The following UBE2D2 variants were observed in gnomAD, a reference collection of about 807,000 sequenced individuals.
The protein encoded by UBE2D2 is ubiquitin conjugating enzyme E2 D2.
UBE2D2 carries 2 observed loss-of-function variants against 24.2 expected under a neutral mutation model. The observed-to-expected ratio is 0.08, with a 90% CI of 0.03 to 0.26. The LOEUF (loss-of-function observed/expected upper bound fraction) is 0.26, where lower values mean the gene tolerates loss of function less well. Ranked by LOEUF, UBE2D2 falls within the 10% of genes least tolerant of loss-of-function variation. The probability of loss-of-function intolerance (pLI) is 1.00; values close to 1 mark genes in which losing one functional copy is unlikely to be tolerated. For missense variants in UBE2D2, 44 were observed against 177.6 expected (o/e 0.25, Z 4.28); for synonymous variants, 58 against 56.5 (o/e 1.03, Z -0.12).
chr5:139,561,190 G>A (rs946009626), upstream of UBE2D2: 5 of 152,610 alleles, frequency 3.3e-5, no homozygotes, highest in East Asian at 1.9e-4. Context: ...CGCCCTCCGG[G>A]GCCGTGGCGG....
At chr5:139,573,406 A>C (rs577715730) in intron 1 of UBE2D2, among the ~76,000 whole-genome samples, 1 of 152,108 alleles carries the variant, frequency 6.6e-6, no homozygotes, top group African/African-American at 2.4e-5. Flanking sequence ...AATAAAAGTC[A>C]TCCTCATCAG....
intron 2 of UBE2D2, among the ~76,000 whole-genome samples, chr5:139,604,101 A>C (rs939011633): frequency 1.1e-4 from 17 of 152,032 alleles, no homozygotes; most frequent in Non-Finnish European, 2.2e-4. Flanking sequence ...TGCAAGTCAT[A>C]TATCTCATAA....
At chr5:139,543,560 A>T (rs1372968715) in intron 1 of UBE2D2, among the ~76,000 whole-genome samples, 1 of 152,168 alleles carries the variant, frequency 6.6e-6, no homozygotes, top group South Asian at 2.1e-4. Flanking sequence ...CGGCGACGAC[A>T]CGGGGGACCG....
Position 139,619,414 on chromosome 5 carries a change from A to G in UBE2D2, c.305-3954A>G, listed in dbSNP as rs575921281. ...CTGTCTCAAAAAAAAAAAAAAAGTAATACTGATGAAGAATATATATAGGTA... is the reference window on the plus strand; with the variant it reads ...CTGTCTCAAAAAAAAAAAAAAAGTAGTACTGATGAAGAATATATATAGGTA... On this transcript the variant is annotated intron_variant, in intron 5 of 6. Coordinates refer to ENST00000398733, the MANE Select transcript of UBE2D2 (RefSeq NM_003339.3). Among the ~76,000 whole-genome samples, 3 of 151,998 alleles carry G rather than the reference A, an allele frequency of 2.0e-5. No individual in the cohort carries two copies. In the East Asian group the frequency reaches 5.8e-4, roughly 29 times the overall value.
At chr5:139,598,922 T>C (rs1754013274) in intron 1 of UBE2D2, among the ~76,000 whole-genome samples, 1 of 87,236 alleles carries the variant, frequency 1.1e-5, no homozygotes, top group African/African-American at 5.8e-5. Context: ...TATATTCCTT[T>C]TTTTTTTTTT....
chr5:139,559,566 C>A (rs1314454255), upstream of UBE2D2, among the ~76,000 whole-genome samples: 2 of 152,132 alleles, frequency 1.3e-5, no homozygotes, highest in African/African-American at 2.4e-5. Context: ...CCACTGGATA[C>A]AATTTTCTCT....
intron 2 of UBE2D2, among the ~76,000 whole-genome samples, chr5:139,613,869 T>C (rs1754371578): frequency 6.6e-6 from 1 of 152,112 alleles, no homozygotes; most frequent in African/African-American, 2.4e-5. Flanking sequence ...GTTTGAGACC[T>C]GGCCAAACGT....
chr5:139,623,259 A>G (rs980813101), intron 5 of UBE2D2, 109 bp from the exon 6 acceptor site: 2 of 549,140 alleles, frequency 3.6e-6, no homozygotes, highest in African/African-American at 1.9e-5. Context: ...CAAAGCTGCT[A>G]GGCATTACAG....
intron 1 of UBE2D2, among the ~76,000 whole-genome samples, chr5:139,544,931 C>T (rs1007017339): frequency 6.6e-6 from 1 of 152,008 alleles, no homozygotes; most frequent in African/African-American, 2.4e-5. Flanking sequence ...TGTGCATCAC[C>T]ACGCCCGGCT....
intron 5 of UBE2D2, among the ~76,000 whole-genome samples, chr5:139,617,760 TGTATTCCTC>T (rs1754445716): frequency 6.6e-6 from 1 of 152,142 alleles, no homozygotes; most frequent in Non-Finnish European, 1.5e-5. Flanking sequence ...CATTGGCCCC[TGTATTCCTC>T]AGTTTTTTCA....
chr5:139,594,924 C>G (rs997249570), intron 1 of UBE2D2, among the ~76,000 whole-genome samples: 2 of 152,166 alleles, frequency 1.3e-5, no homozygotes, highest in African/African-American at 2.4e-5. Context: ...TACACATCTT[C>G]CTGTATACTT....
At chr5:139,546,248 T>C (rs1752823712) in intron 1 of UBE2D2, among the ~76,000 whole-genome samples, 1 of 151,996 alleles carries the variant, frequency 6.6e-6, no homozygotes, top group African/African-American at 2.4e-5. Context: ...TTCACCATGT[T>C]GGCCAGGCTG....
intron 2 of UBE2D2, 137 bp downstream of exon 2, chr5:139,600,572 T>A: frequency 1.3e-6 from 1 of 784,052 alleles, no homozygotes; most frequent in Non-Finnish European, 2.0e-6. Flanking sequence ...TTCATCCCAT[T>A]ATCATCTGTG....
chr5:139,528,346 A>AT (rs368399631), intron 1 of UBE2D2, among the ~76,000 whole-genome samples: 2 of 152,126 alleles, frequency 1.3e-5, no homozygotes, highest in Non-Finnish European at 2.9e-5. Context: ...AAAAAAAAAA[A>AT]GAAAAAAGAA....
At chr5:139,545,636 G>C (rs1232114326) in intron 1 of UBE2D2, among the ~76,000 whole-genome samples, 9 of 151,204 alleles carry the variant, frequency 6.0e-5, no homozygotes, top group Admixed American at 5.9e-4. Context: ...ATCTTGGCCA[G>C]GCTGGTCTTG....
Position 139,577,483 on chromosome 5 carries a change from G to A in UBE2D2, c.24+15668G>A, listed in dbSNP as rs536664858. On this transcript the variant is annotated intron_variant, in intron 1 of 6. Coordinates refer to ENST00000398733, the MANE Select transcript of UBE2D2 (RefSeq NM_003339.3). The stretch of plus-strand genomic sequence containing the variant: ...GGCTGGAGTGCAATGGGGTGATCTC[G>A]GCTCACTGCAATCTCCGCCTCCCGG... Among the ~76,000 whole-genome samples the A allele has an allele frequency of 1.1e-4, 16 of 143,712 alleles. No individual in the cohort carries two copies. In the South Asian group the frequency reaches 3.1e-3, roughly 27 times the overall value. 94.3% of individuals were successfully genotyped at this position (143,712 alleles called of 152,430 possible).
In UBE2D2 at chr5:139,562,161, C is replaced by T. The variant is rs1004239193; in HGVS notation, c.24+346C>T. The stretch of plus-strand genomic sequence containing the variant: ...GGCGGGGTTGGGGCCGAGGGGGGCG[C>T]TGGGGCGTTGGGCGGCCCCTTCGAC... On this transcript the variant is annotated intron_variant, in intron 1 of 6. Transcript: ENST00000398733. The T allele has an allele frequency of 2.2e-6, 3 of 1,333,474 alleles. No homozygotes were observed. The Admixed American group carries it at 7.8e-5, about 35-fold the overall frequency. The allele number at this position is 1,333,474 out of a possible 1,614,324, so 82.6% of individuals were successfully genotyped here.
At chr5:139,605,591 C>CA (rs70988710) in intron 2 of UBE2D2, among the ~76,000 whole-genome samples, 1,106 of 44,436 alleles carry the variant, frequency 0.025, 39 homozygotes, top group African/African-American at 0.042. Flanking sequence ...GACTCTGTCT[C>CA]AAAAAAAAAA....
At chr5:139,608,225 A>C (rs1436627865) in intron 2 of UBE2D2, among the ~76,000 whole-genome samples, 1 of 151,990 alleles carries the variant, frequency 6.6e-6, no homozygotes, top group Non-Finnish European at 1.5e-5. Flanking sequence ...TGAGCTCAGG[A>C]GTTTGAGACC....
Sources: allele counts gnomAD v4.1 joint callset (sites outside exome capture counted in the v4.1 genomes callset), GRCh38; gene constraint gnomAD v4.1.1; transcripts MANE v1.5; gene names NCBI Gene and HGNC (gene_info 2026-07-23, HGNC 2026-07-21).